ME1: variants seen among roughly 807,000 people sequenced by gnomAD.
ME1 encodes NADP-dependent malic enzyme.
Under a neutral mutation model 66.4 loss-of-function variants are expected in ME1, and 74 were observed. That is an observed-to-expected ratio of 1.11 (90% CI 0.92 to 1.35). The LOEUF (loss-of-function observed/expected upper bound fraction) is 1.35, where lower values mean the gene tolerates loss of function less well. Among genes scored for constraint, ME1 ranks in the 40% most tolerant of loss-of-function variants. The pLI is 0.00. For missense variants in ME1, 750 were observed against 694.1 expected, an observed-to-expected ratio of 1.08 and a Z score of -0.90; for synonymous variants, 251 against 235.6, an observed-to-expected ratio of 1.07 and a Z score of -0.60.
intron 12 of ME1, among the ~76,000 whole-genome samples, chr6:83,218,710 T>G (rs1382878777): frequency 6.6e-6 from 1 of 152,206 alleles, no homozygotes; most frequent in Non-Finnish European, 1.5e-5. Context: ...AAAGAGATGT[T>G]TGCCCTTTTC....
chr6:83,240,217 T>C (rs1025786909), intron 7 of ME1, among the ~76,000 whole-genome samples: 1 of 151,968 alleles, frequency 6.6e-6, no homozygotes, highest in Non-Finnish European at 1.5e-5. Context: ...GAACCTGAGA[T>C]AGGAGGACAC....
intron 6 of ME1, among the ~76,000 whole-genome samples, chr6:83,284,100 T>C (rs1442270823): frequency 6.6e-6 from 1 of 152,162 alleles, no homozygotes; most frequent in Non-Finnish European, 1.5e-5. Context: ...GAGACTATTA[T>C]GAACACCTCT....
At chr6:83,222,517 G>A (rs199718759) in intron 12 of ME1, among the ~76,000 whole-genome samples, 65 of 152,294 alleles carry the variant, frequency 4.3e-4, no homozygotes, top group South Asian at 3.9e-3. Flanking sequence ...AGGTTTAATC[G>A]TAAGAAAAGA....
intron 1 of ME1, among the ~76,000 whole-genome samples, chr6:83,429,077 C>T (rs1306908212): frequency 6.6e-6 from 1 of 152,048 alleles, no homozygotes; most frequent in Non-Finnish European, 1.5e-5. Flanking sequence ...TCCTGACTAA[C>T]ACGGTGAAAC....
At chr6:83,255,519 T>A (rs991690804) in intron 6 of ME1, among the ~76,000 whole-genome samples, 2 of 152,008 alleles carry the variant, frequency 1.3e-5, no homozygotes, top group African/African-American at 4.8e-5. Flanking sequence ...TTAATGAAAA[T>A]TTCCTCTAAT....
intron 13 of ME1, 139 bp downstream of exon 13, chr6:83,216,359 T>G (rs1014036456): frequency 4.4e-6 from 3 of 674,742 alleles, no homozygotes; most frequent in Non-Finnish European, 7.7e-6. Flanking sequence ...AGTGTCAGTG[T>G]GCCTCATTTC....
chr6:83,229,606 CA>C (rs1447130970), intron 9 of ME1, among the ~76,000 whole-genome samples: 1 of 152,056 alleles, frequency 6.6e-6, no homozygotes, highest in African/African-American at 2.4e-5. Flanking sequence ...AGAAGCAGGA[CA>C]AGTATAAGTA....
At chr6:83,307,235 A>C (rs1767841989) in intron 6 of ME1, among the ~76,000 whole-genome samples, 1 of 152,092 alleles carries the variant, frequency 6.6e-6, no homozygotes, top group Non-Finnish European at 1.5e-5. Flanking sequence ...TGAAAAAAAA[A>C]AGTAGAGAGA....
chr6:83,365,846 G>A (rs1466862332), intron 3 of ME1, among the ~76,000 whole-genome samples: 1 of 152,058 alleles, frequency 6.6e-6, no homozygotes, highest in Non-Finnish European at 1.5e-5. Context: ...CTTCATTACA[G>A]TATTAGTAAA....
At chr6:83,290,322 A>G (rs1767478518) in intron 6 of ME1, among the ~76,000 whole-genome samples, 1 of 152,034 alleles carries the variant, frequency 6.6e-6, no homozygotes, top group Non-Finnish European at 1.5e-5. Context: ...ATTCTGGTAC[A>G]TTGTGTCTTT....
intron 6 of ME1, among the ~76,000 whole-genome samples, chr6:83,261,671 A>T (rs1766891298): frequency 6.6e-6 from 1 of 151,986 alleles, no homozygotes; most frequent in South Asian, 2.1e-4. Context: ...TGAGAAGAAG[A>T]AGTGTTGGGA....
At chr6:83,346,055 AG>A (rs1768678199) in intron 5 of ME1, 117 bp downstream of exon 5, 2 of 787,426 alleles carry the variant, frequency 2.5e-6, no homozygotes, top group Non-Finnish European at 3.9e-6. Flanking sequence ...ATTTGGAGAG[AG>A]AAAGAGAACC....
chr6:83,350,190 G>C (rs550830407), intron 4 of ME1, among the ~76,000 whole-genome samples: 2 of 152,062 alleles, frequency 1.3e-5, no homozygotes, highest in African/African-American at 4.8e-5. Context: ...AATAGCTGCC[G>C]TTTACTAAGT....
chr6:83,397,709 C>CA (rs1302800670), intron 3 of ME1, among the ~76,000 whole-genome samples: 1 of 151,902 alleles, frequency 6.6e-6, no homozygotes, highest in Non-Finnish European at 1.5e-5. Flanking sequence ...TCACAATGGC[C>CA]AAGATATGGG....
chr6:83,408,974 G>A (rs1271241332), intron 1 of ME1, among the ~76,000 whole-genome samples: 2 of 152,126 alleles, frequency 1.3e-5, no homozygotes, highest in African/African-American at 4.8e-5. Context: ...AGGAAGAAGG[G>A]CCTTTGGGAG....
chr6:83,242,293 TAA>T (rs1213988826), intron 7 of ME1, among the ~76,000 whole-genome samples: 2 of 152,230 alleles, frequency 1.3e-5, no homozygotes, highest in Admixed American at 6.5e-5. Flanking sequence ...GGTTGTTAAA[TAA>T]AAGTCTCACC....
At chr6:83,333,878 T>C (rs1380576631) in intron 5 of ME1, among the ~76,000 whole-genome samples, 1 of 152,208 alleles carries the variant, frequency 6.6e-6, no homozygotes, top group African/African-American at 2.4e-5. Flanking sequence ...AATTAATTAT[T>C]CTGATTAACC....
At chr6:83,421,209 A>C (rs999241218) in intron 1 of ME1, among the ~76,000 whole-genome samples, 2 of 152,052 alleles carry the variant, frequency 1.3e-5, no homozygotes, top group African/African-American at 4.8e-5. Flanking sequence ...GTCTTACATG[A>C]ACCATTTCCA....
At chr6:83,219,591 T>C (rs1233718765) in intron 12 of ME1, among the ~76,000 whole-genome samples, 1 of 150,958 alleles carries the variant, frequency 6.6e-6, no homozygotes, top group Non-Finnish European at 1.5e-5. Context: ...TATTTTGTTT[T>C]ATGTATGTAT....
Sources: gnomAD v4.1 joint callset for allele counts (sites outside exome capture counted in the v4.1 genomes callset) on GRCh38, gnomAD v4.1.1 for gene constraint, MANE v1.5 for transcripts, NCBI Gene and HGNC (gene_info 2026-07-23, HGNC 2026-07-21) for gene names.